The following SEC16B variants were observed in gnomAD, a reference collection of about 807,000 sequenced individuals.
SEC16B encodes the protein SEC16 homolog B, endoplasmic reticulum export factor.
Under a neutral mutation model 141.8 loss-of-function variants are expected in SEC16B, and 115 were observed. The ratio of observed to expected loss-of-function variants is 0.81; its 90% CI spans 0.70 to 0.95. The LOEUF is 0.95. Among genes scored for constraint, SEC16B ranks in the 40% least tolerant of loss-of-function variants. The probability of loss-of-function intolerance (pLI) is 0.00; values close to 1 mark genes in which losing one functional copy is unlikely to be tolerated. For missense variants in SEC16B, 1,291 were observed against 1,312.3 expected (o/e 0.98, Z 0.25); for synonymous variants, 493 against 492.5 (o/e 1.00, Z -0.01).
rs966026429 is a variant in SEC16B, at chr1:177,933,100, C to T, written c.2823+114G>A. 1.2e-5 allele frequency: 10 copies of T among 810,502 alleles called. No individual in the cohort carries two copies. In the African/African-American group the frequency reaches 1.7e-4, roughly 14 times the overall value. The allele number at this position is 810,502 out of a possible 1,614,324, so 50.2% of individuals were successfully genotyped here. A position where few individuals can be genotyped will look rare whatever the true frequency, so the allele number is the denominator to read the frequency against. ...CCATATCCCATCACAAAACCTCTGTCTCATGTGGCCTGGGGTAGACTCAGG... is the reference window on the plus strand; with the variant it reads ...CCATATCCCATCACAAAACCTCTGTTTCATGTGGCCTGGGGTAGACTCAGG... On this transcript the variant is annotated intron_variant, in intron 22 of 25. Coordinates refer to ENST00000308284, the MANE Select transcript of SEC16B (RefSeq NM_033127.4).
At chr1:177,948,652 A>G (rs971625183) in intron 12 of SEC16B, 72 of 1,280,844 alleles carry the variant, frequency 5.6e-5, no homozygotes, top group Non-Finnish European at 7.4e-5. Flanking sequence ...TAAATAAAGG[A>G]GAATTTCAAG....
chr1:177,971,026 G>C (rs1307276751), upstream of SEC16B, among the ~76,000 whole-genome samples: 3 of 151,610 alleles, frequency 2.0e-5, no homozygotes, highest in South Asian at 6.2e-4. Flanking sequence ...CAGCCCCTCA[G>C]CTGACTCTAG....
intron 6 of SEC16B, chr1:177,961,376 G>A (rs1653047667): frequency 1.8e-6 from 1 of 550,088 alleles, no homozygotes; most frequent in Non-Finnish European, 3.1e-6. Context: ...AATGGATAGG[G>A]GCAGTGTTCC....
chr1:177,939,609 G>A (rs150159938), intron 18 of SEC16B, 93 bp downstream of exon 18: 41 of 1,118,398 alleles, frequency 3.7e-5, no homozygotes, highest in Non-Finnish European at 5.1e-5. Context: ...ACCCTGGGAA[G>A]CAAAGGGCGA....
chr1:177,942,617 G>A (rs977254350), intron 15 of SEC16B, among the ~76,000 whole-genome samples: 7 of 152,012 alleles, frequency 4.6e-5, no homozygotes, highest in Admixed American at 6.5e-5. Flanking sequence ...CCAGTGAGCC[G>A]AGATCATGCC....
At position 177,951,951 on chromosome 1, in the gene SEC16B, A is replaced by G. The variant is rs901799709; in HGVS notation, c.1508T>C (p.Phe503Ser). 2 of 1,607,690 alleles carry G rather than the reference A, an allele frequency of 1.2e-6. No homozygotes were observed. Among genetic ancestry groups the G allele is most frequent in the Non-Finnish European group, 1.7e-6 (2 of 1,177,402 alleles). ...LALNDPLQTL[F>S]QLMSGRIPQA... ...TGGAATCCTCCCCGACATGAGCTGG[A>G]AGAGGGTCTGCAGTGGGTCATTGAG... Residue 503 changes from phenylalanine to serine, a missense_variant, in exon 12 of 26, where the codon TTC becomes TCC. Phe to Ser is a radical substitution (Grantham distance 155, BLOSUM62 -2). Coordinates refer to ENST00000308284, the MANE Select transcript of SEC16B (RefSeq NM_033127.4).
Position 177,954,507 on chromosome 1 carries a change from A to G in SEC16B, c.1366-131T>C, listed in dbSNP as rs1038693191. On this transcript the variant is annotated intron_variant, in intron 10 of 25. Transcript: ENST00000308284. ...GAAAACTCTTAGAGCCTCATATAAG[A>G]ATGTGAACAGCCAGGAAGCAGACTG... 6 of 662,506 alleles carry G rather than the reference A, an allele frequency of 9.1e-6. No individual in the cohort carries two copies. In the Admixed American group the frequency reaches 1.6e-4, roughly 17 times the overall value. 41.0% of individuals were successfully genotyped at this position (662,506 alleles called of 1,614,324 possible). A position where few individuals can be genotyped will look rare whatever the true frequency, so the allele number is the denominator to read the frequency against.
At chr1:177,965,611 A>G (rs12084010) in intron 3 of SEC16B, among the ~76,000 whole-genome samples, 6,180 of 152,264 alleles carry the variant, frequency 0.041, 424 homozygotes, top group African/African-American at 0.14. Flanking sequence ...CAAAGACTAT[A>G]TAATCTGGGC....
chr1:177,962,056 C>T (rs1305339492), intron 5 of SEC16B, among the ~76,000 whole-genome samples: 2 of 152,056 alleles, frequency 1.3e-5, no homozygotes, highest in African/African-American at 4.8e-5. Context: ...ATACTTCAAG[C>T]AATTCATGTA....
At chr1:177,982,442 G>A (rs773809531) in intron 1 of SEC16B, among the ~76,000 whole-genome samples, 9 of 152,210 alleles carry the variant, frequency 5.9e-5, no homozygotes, top group Non-Finnish European at 1.0e-4. Context: ...CTCTCTCTTG[G>A]GGAAGGGAGG....
Position 177,933,467 on chromosome 1 carries a change from A to C in SEC16B, c.2724+17T>G, listed in dbSNP as rs1243161328. On this transcript the variant is annotated intron_variant, in intron 21 of 25. Transcript: ENST00000308284. ...CAGGGGAAGGAAGGCAGGGGAGAGAAGAACAAGTCCCTCCACCTTTGTATG... is the reference window on the plus strand; with the variant it reads ...CAGGGGAAGGAAGGCAGGGGAGAGACGAACAAGTCCCTCCACCTTTGTATG... 6.2e-7 allele frequency: 1 copy of C among 1,609,728 alleles called. No individual in the cohort carries two copies. Among genetic ancestry groups the C allele is most frequent in the Non-Finnish European group, 8.5e-7 (1 of 1,177,776 alleles).
intron 11 of SEC16B, among the ~76,000 whole-genome samples, chr1:177,953,911 T>G (rs962577728): frequency 5.9e-5 from 9 of 152,026 alleles, no homozygotes; most frequent in African/African-American, 2.2e-4. Flanking sequence ...AGTAGACAAC[T>G]GCTTACGTCA....
intron 19 of SEC16B, 123 bp downstream of exon 19, chr1:177,937,091 C>T (rs530811972): frequency 2.4e-4 from 252 of 1,056,242 alleles, no homozygotes; most frequent in Non-Finnish European, 3.1e-4. Flanking sequence ...CACACATCCA[C>T]GCATCTGTGT....
intron 8 of SEC16B, chr1:177,959,558 T>A (rs1055390281): frequency 1.9e-5 from 3 of 158,120 alleles, no homozygotes; most frequent in African/African-American, 7.2e-5. Context: ...AAGAAAGAGA[T>A]AACACTCATT....
At chr1:177,930,827 T>G (rs929147050) in intron 24 of SEC16B, among the ~76,000 whole-genome samples, 184 bp from the exon 25 acceptor site, 1 of 151,914 alleles carries the variant, frequency 6.6e-6, no homozygotes, top group South Asian at 2.1e-4. Flanking sequence ...AATAAACAAA[T>G]GAAAAAAATG....
Position 177,958,196 on chromosome 1 carries a change from C to T in SEC16B, c.1301G>A (p.Ser434Asn), listed in dbSNP as rs1390597522. Reference protein sequence around the residue: ...PNLLTGEIPPSVETPAQIVEK... With the variant: ...PNLLTGEIPPNVETPAQIVEK... Reference sequence around the variant, plus strand: ...CACGATCTGCGCAGGTGTCTCCACACTGGGGGGGATCTCTCCCGTGAGCAG... The same window carrying T: ...CACGATCTGCGCAGGTGTCTCCACATTGGGGGGGATCTCTCCCGTGAGCAG... The change falls in exon 10 of 26, where the codon AGT (serine) becomes AAT (asparagine). Residue 434 changes from serine (S) to asparagine (N), a missense_variant. Physicochemically the swap from Ser to Asn is conservative, Grantham distance 46. Coordinates refer to ENST00000308284, the MANE Select transcript of SEC16B (RefSeq NM_033127.4). The T allele has an allele frequency of 1.1e-5, 18 of 1,596,760 alleles. No individual in the cohort carries two copies. Among genetic ancestry groups the T allele is most frequent in the Non-Finnish European group, 1.5e-5 (18 of 1,171,110 alleles).
intron 1 of SEC16B, among the ~76,000 whole-genome samples, chr1:177,979,513 G>A (rs1361662025): frequency 2.0e-5 from 3 of 152,206 alleles, no homozygotes; most frequent in African/African-American, 7.2e-5. Context: ...CAGCAGTGCT[G>A]TTCTAATGCT....
In SEC16B at chr1:177,933,554, T is replaced by G. The variant is rs760425203; in HGVS notation, c.2654A>C (p.Glu885Ala). The stretch of plus-strand genomic sequence containing the variant: ...ATTTCGGGGAGAGTTTTTATCAGCC[T>G]CATCAGAGGACTCCTTCTCATCCTC... ...AKEDEKESSD[E>A]ADKNSPRNTA... The change falls in exon 21 of 26, where the codon GAG (glutamate) becomes GCG (alanine). Residue 885 changes from glutamate (E) to alanine (A), a missense_variant. Transcript: ENST00000308284. 27 of 1,613,966 alleles carry G rather than the reference T, an allele frequency of 1.7e-5. No individual in the cohort carries two copies. In the East Asian group the frequency reaches 5.6e-4, roughly 33 times the overall value.
At chr1:177,937,639 C>A in intron 18 of SEC16B, 126 bp from the exon 19 acceptor site, 1 of 724,626 alleles carries the variant, frequency 1.4e-6, no homozygotes, top group Non-Finnish European at 2.2e-6. Context: ...CTGTCTAATG[C>A]GGCTTCCAGT....
Sources: gnomAD v4.1 joint callset for allele counts (sites outside exome capture counted in the v4.1 genomes callset) on GRCh38, gnomAD v4.1.1 for gene constraint, MANE v1.5 for transcripts, NCBI Gene and HGNC (gene_info 2026-07-23, HGNC 2026-07-21) for gene names.